RALYL: variants seen among roughly 807,000 people sequenced by gnomAD.
RALYL encodes RALY RNA binding protein like, also known as RNA-binding Raly-like protein.
In RALYL, 29 loss-of-function variants were observed where a neutral mutation model predicts 35.1. The observed-to-expected ratio is 0.83, with a 90% confidence interval of 0.61 to 1.13. The LOEUF (loss-of-function observed/expected upper bound fraction) is 1.13. Among genes scored for constraint, RALYL ranks in the 50% most tolerant of loss-of-function variants. RALYL has a pLI of 0.00. For synonymous variants in RALYL, 120 were observed against 127.6 expected (o/e 0.94, Z 0.40); for missense variants, 359 against 360.4 (o/e 1.00, Z 0.03).
At chr8:84,678,880 A>T (rs1834772787) in intron 2 of RALYL, 2 of 185,392 alleles carry the variant, frequency 1.1e-5, no homozygotes, top group Non-Finnish European at 2.3e-5. Context: ...CTGAATGAAG[A>T]GGATACTGCC....
At chr8:84,648,311 CT>C (rs1198336812) in intron 2 of RALYL, among the ~76,000 whole-genome samples, 1 of 152,078 alleles carries the variant, frequency 6.6e-6, no homozygotes, top group Non-Finnish European at 1.5e-5. Context: ...AATTCATCAA[CT>C]GCTGTCAGCA....
At chr8:84,723,049 G>T (rs760920088) in intron 2 of RALYL, among the ~76,000 whole-genome samples, 3 of 151,776 alleles carry the variant, frequency 2.0e-5, no homozygotes, top group Non-Finnish European at 4.4e-5. Context: ...ATCCTTGCAT[G>T]CATAAGTAAA....
At chr8:84,673,186 G>T (rs1403328894) in intron 2 of RALYL, among the ~76,000 whole-genome samples, 1 of 152,036 alleles carries the variant, frequency 6.6e-6, no homozygotes, top group African/African-American at 2.4e-5. Context: ...AAAAATGTCT[G>T]TTCATGTTAT....
intron 1 of RALYL, among the ~76,000 whole-genome samples, chr8:84,490,030 T>C (rs996623931): frequency 4.6e-5 from 7 of 151,792 alleles, no homozygotes; most frequent in African/African-American, 1.7e-4. Flanking sequence ...AGATTTACTT[T>C]TGTAAGAATT....
chr8:84,581,386 A>C (rs577875457), intron 2 of RALYL, among the ~76,000 whole-genome samples: 200 of 152,290 alleles, frequency 1.3e-3, no homozygotes, highest in Middle Eastern at 3.4e-3. Context: ...ATCTATTGTA[A>C]CCCAAAATAT....
At chr8:84,743,159 A>G (rs1807774471) in intron 2 of RALYL, among the ~76,000 whole-genome samples, 1 of 152,034 alleles carries the variant, frequency 6.6e-6, no homozygotes, top group Admixed American at 6.6e-5. Flanking sequence ...AATTGACTAC[A>G]GGATTAATGT....
chr8:84,525,126 T>A (rs1049799644), intron 1 of RALYL, among the ~76,000 whole-genome samples: 6 of 151,756 alleles, frequency 4.0e-5, no homozygotes, highest in African/African-American at 1.5e-4. Context: ...TTGACTAACT[T>A]TTTGGATAGT....
intron 8 of RALYL, among the ~76,000 whole-genome samples, chr8:84,918,017 A>T (rs1848745499): frequency 6.6e-6 from 1 of 152,108 alleles, no homozygotes; most frequent in African/African-American, 2.4e-5. Context: ...TAGTGGCAAC[A>T]AGTATAATTG....
intron 2 of RALYL, among the ~76,000 whole-genome samples, chr8:84,574,452 T>C (rs1466559367): frequency 6.6e-6 from 1 of 152,084 alleles, no homozygotes; most frequent in African/African-American, 2.4e-5. Flanking sequence ...TGCTCCCTTT[T>C]CTCCAGCACT....
intron 1 of RALYL, among the ~76,000 whole-genome samples, chr8:84,474,661 T>A (rs145128914): frequency 6.6e-6 from 1 of 152,292 alleles, no homozygotes; most frequent in Admixed American, 6.5e-5. Context: ...ATTCTGATGG[T>A]GAAAGTTCAG....
chr8:84,503,797 G>T (rs115680756), intron 1 of RALYL, among the ~76,000 whole-genome samples: 1,840 of 151,672 alleles, frequency 0.012, 49 homozygotes, highest in African/African-American at 0.042. Context: ...CAGGAGAATC[G>T]GCTTGAGTGC....
chr8:84,620,558 A>G (rs2131057753), intron 2 of RALYL, among the ~76,000 whole-genome samples: 1 of 152,254 alleles, frequency 6.6e-6, no homozygotes, highest in East Asian at 1.9e-4. Flanking sequence ...CGTAGCTCAG[A>G]GTAATTTGAT....
chr8:84,364,076 G>A (rs1348923951), intron 1 of RALYL, among the ~76,000 whole-genome samples: 2 of 152,076 alleles, frequency 1.3e-5, no homozygotes, highest in Non-Finnish European at 2.9e-5. Context: ...GCAAACTTAG[G>A]TATCCCCAAG....
At chr8:84,474,886 A>T (rs1246947557) in intron 1 of RALYL, among the ~76,000 whole-genome samples, 1 of 20,514 alleles carries the variant, frequency 4.9e-5, no homozygotes, top group Non-Finnish European at 1.2e-4. Context: ...CCCCAGCCCC[A>T]CCCCACCCTT....
At chr8:84,658,425 A>C (rs1249717016) in intron 2 of RALYL, among the ~76,000 whole-genome samples, 1 of 152,162 alleles carries the variant, frequency 6.6e-6, no homozygotes, top group East Asian at 1.9e-4. Context: ...TCTTCAGTTG[A>C]TACATCTTTT....
intron 1 of RALYL, among the ~76,000 whole-genome samples, chr8:84,322,562 G>A (rs1845062726): frequency 6.6e-6 from 1 of 152,098 alleles, no homozygotes; most frequent in Non-Finnish European, 1.5e-5. Context: ...CAATTTGTAA[G>A]TGACAGAGCC....
In RALYL at chr8:84,400,372, C is replaced by T. The variant is rs537476960; in HGVS notation, c.-23-128927C>T. The stretch of plus-strand genomic sequence containing the variant: ...TGTAATGTCAACACTCAAAAATTTT[C>T]GGATTTTGGAGCATTTGGAGTGCAG... On this transcript the variant is annotated intron_variant, in intron 1 of 8. Coordinates refer to ENST00000521268, the MANE Select transcript of RALYL (RefSeq NM_173848.7). Among the ~76,000 whole-genome samples, 113 of 152,168 alleles carry T rather than the reference C, an allele frequency of 7.4e-4. 3 individuals carry two copies. The Middle Eastern group carries it at 0.014, about 18-fold the overall frequency.
At chr8:84,330,259 CAT>C (rs549969264) in intron 1 of RALYL, among the ~76,000 whole-genome samples, 250 of 152,114 alleles carry the variant, frequency 1.6e-3, no homozygotes, top group African/African-American at 5.8e-3. Context: ...CACATAAAAA[CAT>C]AAACACTCTA....
At chr8:84,363,944 G>A (rs915369689) in intron 1 of RALYL, among the ~76,000 whole-genome samples, 1 of 152,126 alleles carries the variant, frequency 6.6e-6, no homozygotes, top group Non-Finnish European at 1.5e-5. Flanking sequence ...TTTATATACT[G>A]TAGTAGCTTT....
Sources: allele counts gnomAD v4.1 joint callset (sites outside exome capture counted in the v4.1 genomes callset), GRCh38; gene constraint gnomAD v4.1.1; transcripts MANE v1.5; gene names NCBI Gene and HGNC (gene_info 2026-07-23, HGNC 2026-07-21).